The following FLNB variants were observed in gnomAD, a reference collection of about 807,000 sequenced individuals.
FLNB encodes the protein filamin-B.
In FLNB, 111 loss-of-function variants were observed where a neutral mutation model predicts 250.6. The observed-to-expected ratio is 0.44, with a 90% CI of 0.38 to 0.52. The LOEUF (loss-of-function observed/expected upper bound fraction) is 0.52. Ranked by LOEUF, FLNB falls within the 20% of genes least tolerant of loss-of-function variation. The pLI is 0.00. For synonymous variants in FLNB, 1,302 were observed against 1,372.1 expected, an observed-to-expected ratio of 0.95 and a Z score of 1.13; for missense variants, 2,869 against 3,447.8, an observed-to-expected ratio of 0.83 and a Z score of 4.20.
chr3:58,163,000 T>A, intron 42 of FLNB, 154 bp from the exon 43 acceptor site: 1 of 746,926 alleles, frequency 1.3e-6, no homozygotes, highest in Non-Finnish European at 2.3e-6. Flanking sequence ...GGGGTCTGTC[T>A]GGTTCTGAAA....
At chr3:58,129,541 T>C (rs2097303131) in intron 24 of FLNB, among the ~76,000 whole-genome samples, 1 of 152,168 alleles carries the variant, frequency 6.6e-6, no homozygotes, top group African/African-American at 2.4e-5. Context: ...CTCACCCCAG[T>C]GTGGAGGCCT....
rs753051937 is a variant in FLNB, at chr3:58,169,805, G to T, written c.7621+12G>T. The T allele has an allele frequency of 1.9e-6, 3 of 1,591,044 alleles. No homozygotes were observed. The South Asian group carries it at 3.3e-5, about 18-fold the overall frequency. Reference sequence around the variant, plus strand: ...CTGCAGCAAAGCTGGTAGGTGTCTGGGCCTTTTCAAGGGTGGGGTGGGGCA... The same window carrying T: ...CTGCAGCAAAGCTGGTAGGTGTCTGTGCCTTTTCAAGGGTGGGGTGGGGCA... On this transcript the variant is annotated intron_variant, in intron 45 of 45. Transcript: ENST00000295956. The surrounding 1 kb of genome is among the most constrained non-coding windows in gnomAD (Gnocchi z 4.8).
Position 58,148,327 on chromosome 3 carries a change from G to GC in FLNB, c.5853dup (p.Cys1952LeufsTer50). On this transcript the variant is annotated frameshift_variant, in exon 35 of 46. Transcript: ENST00000295956. LOFTEE classifies it high-confidence loss of function. ...TTAAGGCCCCATCTGGCCGAGACGA[G>GC]CCCTGTCTCCTGAAGAGGCTGCCCA... 3.1e-6 allele frequency: 5 copies of GC among 1,613,984 alleles called. No homozygotes were observed. The highest frequency in any genetic ancestry group is 4.2e-6 in the Non-Finnish European group (5 of 1,179,966).
intron 6 of FLNB, among the ~76,000 whole-genome samples, chr3:58,097,430 G>GA (rs1178392366): frequency 3.9e-5 from 6 of 152,070 alleles, no homozygotes; most frequent in African/African-American, 1.4e-4. Flanking sequence ...TTCGTCCCTT[G>GA]AAAAAACAGT....
intron 27 of FLNB, 99 bp downstream of exon 27, chr3:58,134,871 A>C: frequency 1.8e-6 from 2 of 1,118,666 alleles, no homozygotes; most frequent in South Asian, 1.4e-5. Flanking sequence ...TTCTGACTCA[A>C]TGCAAGTTGT....
chr3:58,138,511 C>T lies in FLNB; in HGVS notation c.5091C>T (p.Asn1697=), dbSNP rs141357606. The T allele has an allele frequency of 1.3e-3, 2,120 of 1,614,216 alleles. 49 individuals carry two copies. The Admixed American group carries it at 0.033, about 25-fold the overall frequency. Residue 1697 remains asparagine (N), a synonymous_variant, in exon 29 of 46, where the codon AAC becomes AAT. Transcript: ENST00000295956. ...GCTTCGGTGGTGTTGATATTCCTAA[C>T]AGCCCCTTCACTGTCATGGTAAGGA... ...YVRFGGVDIP[N]SPFTVMATDG...
At chr3:58,125,923 C>T (rs1265723072) in intron 23 of FLNB, among the ~76,000 whole-genome samples, 180 bp downstream of exon 23, 1 of 152,186 alleles carries the variant, frequency 6.6e-6, no homozygotes, top group Non-Finnish European at 1.5e-5. Context: ...TACCAAAGCA[C>T]TTGATAATGG....
chr3:58,154,992 C>T (rs1575467885), intron 40 of FLNB, 64 bp downstream of exon 40: 1 of 1,534,068 alleles, frequency 6.5e-7, no homozygotes, highest in Non-Finnish European at 9.0e-7. Context: ...TTGCAAGGAA[C>T]AGAAATCCAT....
chr3:58,101,368 T>C (rs1437185430), intron 8 of FLNB, among the ~76,000 whole-genome samples: 1 of 152,216 alleles, frequency 6.6e-6, no homozygotes, highest in Non-Finnish European at 1.5e-5. Context: ...GTCTCCCGTT[T>C]CTATTTACTG....
chr3:58,103,538 A>G (rs2097254490), intron 9 of FLNB, among the ~76,000 whole-genome samples: 1 of 152,222 alleles, frequency 6.6e-6, no homozygotes, highest in African/African-American at 2.4e-5. Flanking sequence ...ACGCTGGAAC[A>G]CTGAACCTAA....
rs1040659635 is a variant in FLNB at position 58,081,786 on chromosome 3, GGTCCTCTGGTGTTGTATTGGAGACAT to G, written c.787+25_787+50del. The G allele has an allele frequency of 1.2e-5, 20 of 1,614,022 alleles. No individual in the cohort carries two copies. The highest frequency in any genetic ancestry group is 1.7e-5 in the Non-Finnish European group (20 of 1,179,954). On this transcript the variant is annotated intron_variant, in intron 4 of 45. Coordinates refer to ENST00000295956, the MANE Select transcript of FLNB (RefSeq NM_001457.4). Reference sequence around the variant, plus strand: ...AGGGCCTATGGCAGAGGTGAGTGCTGGTCCTCTGGTGTTGTATTGGAGACATGTCCTCTGGTGTTGGAGATGATTTC... The same window carrying G: ...AGGGCCTATGGCAGAGGTGAGTGCTGGTCCTCTGGTGTTGGAGATGATTTC...
intron 8 of FLNB, among the ~76,000 whole-genome samples, chr3:58,100,982 G>A (rs527894207): frequency 4.6e-5 from 7 of 152,018 alleles, no homozygotes; most frequent in Admixed American, 1.3e-4. Context: ...CAATCTCCCC[G>A]CCTCAGCCTC....
chr3:58,150,152 A>G lies in FLNB; in HGVS notation c.6292A>G (p.Ser2098Gly), dbSNP rs1323865565. 1.9e-6 allele frequency: 3 copies of G among 1,614,032 alleles called. No homozygotes were observed. The highest frequency in any genetic ancestry group is 2.5e-6 in the Non-Finnish European group (3 of 1,180,042). ...CAGTGGGGAGGGAAGAGTCAAAGAG[A>G]GCATCACCCGCACCAGTCGGGCCCC... is the stretch of plus-strand genomic sequence containing the variant. ...KISGEGRVKE[S>G]ITRTSRAPSV... is the part of the protein sequence containing the mutation. The change falls in exon 38 of 46, where the codon AGC becomes GGC. Residue 2098 changes from serine to glycine, a missense_variant. Physicochemically the swap from Ser to Gly is moderately conservative, Grantham distance 56. Around this residue, in one of 5 missense-constraint regions of FLNB, gnomAD observed 1,084 missense variants for 1,315.5 expected, o/e 0.82. Transcript: ENST00000295956.
chr3:58,018,499 T>C (rs1468752829), intron 1 of FLNB, among the ~76,000 whole-genome samples: 1 of 151,348 alleles, frequency 6.6e-6, no homozygotes, highest in Admixed American at 6.6e-5. Context: ...CTTGCCTGGC[T>C]AGTTTTGGTA....
At chr3:58,149,593 T>C in intron 36 of FLNB, 1 of 549,356 alleles carries the variant, frequency 1.8e-6, no homozygotes, top group South Asian at 2.0e-5. Flanking sequence ...ACATCATCTA[T>C]GGGATATTAG....
At chr3:58,104,476 C>T (rs2097256252) in intron 10 of FLNB, among the ~76,000 whole-genome samples, 1 of 152,242 alleles carries the variant, frequency 6.6e-6, no homozygotes, top group African/African-American at 2.4e-5. Flanking sequence ...TACGTGAGTG[C>T]TGTCAGGGGC....
intron 1 of FLNB, among the ~76,000 whole-genome samples, chr3:58,043,141 CTTTTTTTTTTT>C (rs58727890): frequency 2.9e-5 from 3 of 101,984 alleles, no homozygotes; most frequent in Non-Finnish European, 5.5e-5. Flanking sequence ...TTTGGCATTC[CTTTTTTTTTTT>C]TTTTTTTTTT....
At chr3:58,100,491 A>G (rs2097248856) in intron 8 of FLNB, among the ~76,000 whole-genome samples, 1 of 150,126 alleles carries the variant, frequency 6.7e-6, no homozygotes. Context: ...CCAGGCTCAA[A>G]TGATCCTCCC....
In FLNB at chr3:58,135,975, A is replaced by G; in HGVS notation, c.4672-4A>G. The G allele has an allele frequency of 6.2e-7, 1 of 1,613,958 alleles. No homozygotes were observed. The highest frequency in any genetic ancestry group is 8.5e-7 in the Non-Finnish European group (1 of 1,179,884). Reference sequence around the variant, plus strand: ...CCTAAATAGCATTTCTCTATGATCCACAGGACCAAGAAGGAAAACCCAAAA... The same window carrying G: ...CCTAAATAGCATTTCTCTATGATCCGCAGGACCAAGAAGGAAAACCCAAAA... On this transcript the variant is annotated splice_region_variant and splice_polypyrimidine_tract_variant and intron_variant, in intron 27 of 45. Transcript: ENST00000295956.
Sources: allele counts gnomAD v4.1 joint callset (sites outside exome capture counted in the v4.1 genomes callset), GRCh38; gene constraint gnomAD v4.1.1; regional missense constraint gnomAD v4.1.1; non-coding constraint Gnocchi (gnomAD v3.1); transcripts MANE v1.5; gene names NCBI Gene and HGNC (gene_info 2026-07-23, HGNC 2026-07-21).